The following GDAP1 variants were observed in gnomAD, a reference collection of about 807,000 sequenced individuals.
GDAP1 encodes ganglioside-induced differentiation-associated protein 1.
A neutral mutation model predicts 40.1 loss-of-function variants in GDAP1; 34 were observed. The ratio of observed to expected loss-of-function variants is 0.85; its 90% CI spans 0.64 to 1.13. The LOEUF is 1.13. GDAP1 is among the 50% of genes most tolerant of loss of function. The probability of loss-of-function intolerance (pLI) is 0.00; values close to 1 mark genes in which losing one functional copy is unlikely to be tolerated. For missense variants in GDAP1, 374 were observed against 433.7 expected (o/e 0.86, Z 1.22); for synonymous variants, 170 against 157.4 (o/e 1.08, Z -0.60).
At position 74,448,304 on chromosome 8, in the gene GDAP1, ATGT is replaced by A. The variant is rs948605603; in HGVS notation, c.166-40367_166-40365del. 9.9e-5 allele frequency among the ~76,000 whole-genome samples: 15 copies of A among 152,112 alleles called. No individual in the cohort carries two copies. The South Asian group carries it at 1.9e-3, about 19-fold the overall frequency. The stretch of plus-strand genomic sequence containing the variant: ...CACGTAATATTTTTAAGGTTTGCTC[ATGT>A]TGTTGTGTGTTTTAGTAGTTCATTC... On this transcript the variant is annotated intron_variant, in intron 2 of 2. Coordinates refer to the GDAP1 transcript ENST00000523640.
At chr8:74,361,843 G>A in intron 3 of GDAP1, 41 bp from the exon 4 acceptor site, 1 of 1,103,602 alleles carries the variant, frequency 9.1e-7, no homozygotes, top group Non-Finnish European at 1.4e-6. Flanking sequence ...GTGTAGAAGG[G>A]AGAAAATAAT....
intron 2 of GDAP1, among the ~76,000 whole-genome samples, chr8:74,402,328 G>A (rs183244872): frequency 2.0e-5 from 3 of 150,448 alleles, no homozygotes; most frequent in Admixed American, 2.0e-4. Context: ...AGCAATCAGC[G>A]AGACTCCGTG....
chr8:74,393,811 C>T (rs1810149988), intron 2 of GDAP1, among the ~76,000 whole-genome samples: 1 of 151,802 alleles, frequency 6.6e-6, no homozygotes, highest in Admixed American at 6.6e-5. Context: ...CAGTATGACA[C>T]ATGTATCTAT....
chr8:74,379,754 G>C (rs572730478), intron 2 of GDAP1, among the ~76,000 whole-genome samples: 5 of 152,278 alleles, frequency 3.3e-5, no homozygotes. Context: ...GTGGTGACAG[G>C]TTAATTGGAC....
chr8:74,458,886 C>T (rs1806367922), intron 2 of GDAP1, among the ~76,000 whole-genome samples: 1 of 149,394 alleles, frequency 6.7e-6, no homozygotes, highest in East Asian at 2.0e-4. Flanking sequence ...GAGGCAGCCA[C>T]AGAAGATAGA....
intron 2 of GDAP1, among the ~76,000 whole-genome samples, chr8:74,470,487 AGT>A (rs1440953638): frequency 6.6e-6 from 1 of 151,964 alleles, no homozygotes; most frequent in East Asian, 1.9e-4. Context: ...CCCACCTATC[AGT>A]GAGAACATGT....
At chr8:74,438,805 T>C (rs1347649650) in intron 2 of GDAP1, among the ~76,000 whole-genome samples, 1 of 152,200 alleles carries the variant, frequency 6.6e-6, no homozygotes, top group African/African-American at 2.4e-5. Context: ...TCTTGCTATG[T>C]TGCCCAGGCT....
intron 2 of GDAP1, among the ~76,000 whole-genome samples, chr8:74,483,094 A>G (rs1465280060): frequency 6.6e-6 from 1 of 152,212 alleles, no homozygotes; most frequent in Non-Finnish European, 1.5e-5. Context: ...TCTGATCACA[A>G]TAAATGAATG....
At chr8:74,357,994 T>G (rs1809184649) in intron 2 of GDAP1, among the ~76,000 whole-genome samples, 1 of 152,180 alleles carries the variant, frequency 6.6e-6, no homozygotes, top group Non-Finnish European at 1.5e-5. Context: ...TGTGCTTCAG[T>G]GTGAGGATGG....
At chr8:74,428,966 T>C (rs1256952033) in intron 2 of GDAP1, among the ~76,000 whole-genome samples, 2 of 150,462 alleles carry the variant, frequency 1.3e-5, no homozygotes, top group African/African-American at 2.4e-5. Context: ...CATGCGGTGT[T>C]TGGTTTTTTG....
intron 4 of GDAP1, among the ~76,000 whole-genome samples, 152 bp from the exon 5 acceptor site, chr8:74,362,784 CTTT>C (rs1284434868): frequency 6.6e-5 from 4 of 60,452 alleles, no homozygotes; most frequent in African/African-American, 1.9e-4. Flanking sequence ...CTCTCTCTCT[CTTT>C]TTTTTTTTTT....
chr8:74,456,818 G>T (rs1187164786), intron 2 of GDAP1, among the ~76,000 whole-genome samples: 1 of 152,054 alleles, frequency 6.6e-6, no homozygotes, highest in Non-Finnish European at 1.5e-5. Context: ...ATATGCTTAA[G>T]ATGGGGGTTT....
chr8:74,424,973 C>A (rs145245858), intron 2 of GDAP1, among the ~76,000 whole-genome samples: 1 of 152,252 alleles, frequency 6.6e-6, no homozygotes, highest in African/African-American at 2.4e-5. Flanking sequence ...TTCTTCATCC[C>A]ATAAGATGAG....
At chr8:74,398,619 C>G (rs1810254989) in intron 2 of GDAP1, among the ~76,000 whole-genome samples, 1 of 152,196 alleles carries the variant, frequency 6.6e-6, no homozygotes, top group Non-Finnish European at 1.5e-5. Context: ...GCATCCCTGT[C>G]TTGTGCCCAT....
chr8:74,356,865 C>G (rs565296711), intron 2 of GDAP1, among the ~76,000 whole-genome samples: 58 of 151,834 alleles, frequency 3.8e-4, no homozygotes, highest in African/African-American at 1.4e-3. Context: ...TAGGCGCGCA[C>G]CACCACGCCC....
At chr8:74,384,290 T>G (rs1167568542) in intron 2 of GDAP1, among the ~76,000 whole-genome samples, 2 of 152,284 alleles carry the variant, frequency 1.3e-5, no homozygotes, top group East Asian at 3.9e-4. Flanking sequence ...TATTATACAA[T>G]TTTTAAAAAT....
intron 2 of GDAP1, among the ~76,000 whole-genome samples, chr8:74,378,780 C>T (rs958860195): frequency 2.0e-5 from 3 of 152,180 alleles, no homozygotes; most frequent in African/African-American, 7.2e-5. Flanking sequence ...CTGGGGGCCT[C>T]ACTCACACAT....
chr8:74,446,451 C>T (rs2131574842), intron 2 of GDAP1, among the ~76,000 whole-genome samples: 1 of 152,240 alleles, frequency 6.6e-6, no homozygotes. Flanking sequence ...GCATCCCTTG[C>T]TCAGACCATG....
At chr8:74,387,014 T>G (rs1028773688) in intron 2 of GDAP1, among the ~76,000 whole-genome samples, 2 of 152,212 alleles carry the variant, frequency 1.3e-5, no homozygotes, top group Admixed American at 6.5e-5. Context: ...TGCTTGTGAT[T>G]TTTGCTCATT....
Sources: allele counts gnomAD v4.1 joint callset (sites outside exome capture counted in the v4.1 genomes callset), GRCh38; gene constraint gnomAD v4.1.1; transcripts MANE v1.5; gene names NCBI Gene and HGNC (gene_info 2026-07-23, HGNC 2026-07-21).